Variants in C20orf203 observed in about 807,000 individuals in gnomAD.
C20orf203 encodes the protein uncharacterized protein C20orf203.
A neutral mutation model predicts 15.9 loss-of-function variants in C20orf203; 16 were observed. The observed-to-expected ratio is 1.01, with a 90% CI of 0.68 to 1.53. C20orf203 has a LOEUF of 1.53. Ranked by LOEUF, C20orf203 falls within the 40% of genes most tolerant of loss-of-function variation. The pLI is 0.00. For missense variants in C20orf203, 263 were observed against 247.5 expected (o/e 1.06, Z -0.42); for synonymous variants, 98 against 97.2 (o/e 1.01, Z -0.05).
rs1175017344 is a variant in C20orf203 at position 32,639,613 on chromosome 20, AT to A, written c.*1299+952del. The stretch of plus-strand genomic sequence containing the variant: ...CAACATAGCAAGACCCTGTAACAAT[AT>A]TTTTTTAAATAGTAAAAAAAAAAAA... On this transcript the variant is annotated intron_variant, in intron 5 of 5. Coordinates refer to ENST00000608990, the MANE Select transcript of C20orf203 (RefSeq NM_182584.4). 3.1e-5 allele frequency among the ~76,000 whole-genome samples: 4 copies of A among 129,296 alleles called. No individual in the cohort carries two copies. In the South Asian group the frequency reaches 1.1e-3, roughly 35 times the overall value. The allele number at this position is 129,296 out of a possible 152,430, so 84.8% of individuals were successfully genotyped here.
intron 4 of C20orf203, among the ~76,000 whole-genome samples, chr20:32,648,238 C>G (rs1982490394): frequency 6.6e-6 from 1 of 151,986 alleles, no homozygotes; most frequent in Non-Finnish European, 1.5e-5. Context: ...TAAGCCCATC[C>G]TGCCTCCAGG....
intron 1 of C20orf203, among the ~76,000 whole-genome samples, chr20:32,666,941 G>A (rs1001464143): frequency 3.2e-4 from 48 of 149,798 alleles, no homozygotes; most frequent in Admixed American, 2.5e-3. Flanking sequence ...GAGCCACCAC[G>A]TACAATTTGA....
In C20orf203 at chr20:32,650,622, C is replaced by T. The variant is rs942928914; in HGVS notation, c.395G>A (p.Arg132Gln). ...GGGCATCCCTCCCATTGCCCTCCCC[C>T]GCCCAGCAGGGGCCCGCAGCCCCCT... ...VGRGLRAPAGRGRAMGGMPRM... is the reference protein window; with the variant it reads ...VGRGLRAPAGQGRAMGGMPRM... Residue 132 changes from arginine (R) to glutamine (Q), a missense_variant, in exon 4 of 6, where the codon CGG (arginine) becomes CAG (glutamine). By Grantham distance (43) the Arg-to-Gln change is conservative. Coordinates refer to ENST00000608990, the MANE Select transcript of C20orf203 (RefSeq NM_182584.4). 36 of 1,546,738 alleles carry T rather than the reference C, an allele frequency of 2.3e-5. No individual in the cohort carries two copies. The highest frequency in any genetic ancestry group is 4.1e-5 in the African/African-American group (3 of 73,090).
chr20:32,663,312 A>G (rs1261683536), intron 1 of C20orf203, among the ~76,000 whole-genome samples: 2 of 151,556 alleles, frequency 1.3e-5, no homozygotes, highest in Non-Finnish European at 2.9e-5. Context: ...TGAGAGTCAA[A>G]ATAAGAGAAT....
chr20:32,660,453 C>T (rs779178839), intron 1 of C20orf203, among the ~76,000 whole-genome samples: 7 of 152,208 alleles, frequency 4.6e-5, no homozygotes, highest in Admixed American at 3.3e-4. Context: ...CTCACACCTT[C>T]GAGAGGCCAC....
chr20:32,667,713 C>G (rs888892319), intron 1 of C20orf203, among the ~76,000 whole-genome samples: 2 of 152,182 alleles, frequency 1.3e-5, no homozygotes, highest in Admixed American at 6.6e-5. Flanking sequence ...CTCTATCACC[C>G]AGGCTGGAGT....
intron 4 of C20orf203, among the ~76,000 whole-genome samples, chr20:32,641,797 C>T (rs900999202): frequency 6.6e-6 from 1 of 152,186 alleles, no homozygotes; most frequent in Admixed American, 6.5e-5. Context: ...ATCGTATCGC[C>T]ATTTTTAAAA....
rs950818233 is a variant in C20orf203 at position 32,632,680 on chromosome 20, T to A, written c.*2890A>T. 2.0e-5 allele frequency: 3 copies of A among 152,174 alleles called. No individual in the cohort carries two copies. Among genetic ancestry groups the A allele is most frequent in the African/African-American group, 7.2e-5 (3 of 41,430 alleles). The allele number at this position is 152,174 out of a possible 1,614,324, so 9.4% of individuals were successfully genotyped here. On this transcript the variant is annotated 3_prime_UTR_variant, in exon 6 of 6. Coordinates refer to ENST00000608990, the MANE Select transcript of C20orf203 (RefSeq NM_182584.4). ...TTCCATGGCATGCAAAAGTCTTTAG[T>A]ATTCATGTAACCAGATCTAGAATTC...
At position 32,646,155 on chromosome 20, in the gene C20orf203, CAG is replaced by C. The variant is rs377257399; in HGVS notation, c.*1177+3098_*1177+3099del. ...CAGTATGAGGATTTTTTTTTTGAGA[CAG>C]AGTCTTGCTTGATCCCAATTTTTTT... On this transcript the variant is annotated intron_variant, in intron 4 of 5. Transcript: ENST00000608990. Among the ~76,000 whole-genome samples, 764 of 148,424 alleles carry C rather than the reference CAG, an allele frequency of 5.1e-3. 4 individuals carry two copies. Among genetic ancestry groups the C allele is most frequent in the African/African-American group, 0.018 (734 of 40,382 alleles).
At chr20:32,638,026 G>T (rs1382739610) in intron 5 of C20orf203, among the ~76,000 whole-genome samples, 2 of 152,094 alleles carry the variant, frequency 1.3e-5, no homozygotes, top group African/African-American at 4.8e-5. Context: ...GTGTGTGTGT[G>T]TGTGTGTATA....
Position 32,632,866 on chromosome 20 carries a change from T to A in C20orf203, c.*2704A>T, listed in dbSNP as rs1982037716. The A allele has an allele frequency of 6.6e-6, 1 of 152,232 alleles. No individual in the cohort carries two copies. Among genetic ancestry groups the A allele is most frequent in the Admixed American group, 6.5e-5 (1 of 15,280 alleles). The allele number at this position is 152,232 out of a possible 1,614,324, so 9.4% of individuals were successfully genotyped here. On this transcript the variant is annotated 3_prime_UTR_variant, in exon 6 of 6. Transcript: ENST00000608990. The stretch of plus-strand genomic sequence containing the variant: ...AAATGCCCGAGACTGGGGTAATTTA[T>A]AAAGAAAAGAGGTTTAATTGACTCA...
intron 4 of C20orf203, among the ~76,000 whole-genome samples, chr20:32,648,618 T>TG (rs1041436013): frequency 3.5e-5 from 5 of 144,724 alleles, no homozygotes; most frequent in Admixed American, 6.8e-5. Context: ...TTTTTTTTTT[T>TG]TGTGTGTGTG....
At chr20:32,651,254 T>A (rs1457024746) in intron 2 of C20orf203, 88 bp from the exon 3 acceptor site, 2 of 436,920 alleles carry the variant, frequency 4.6e-6, no homozygotes, top group Non-Finnish European at 8.0e-6. Flanking sequence ...GCTACTCAAG[T>A]GGGAGGATCA....
intron 4 of C20orf203, among the ~76,000 whole-genome samples, chr20:32,641,893 A>T (rs1261509608): frequency 6.6e-6 from 1 of 152,154 alleles, no homozygotes; most frequent in Non-Finnish European, 1.5e-5. Context: ...GCAGGAGTGC[A>T]GTGACACGAT....
At chr20:32,635,186 C>G (rs182699776) in intron 5 of C20orf203, among the ~76,000 whole-genome samples, 1 of 149,192 alleles carries the variant, frequency 6.7e-6, no homozygotes, top group South Asian at 2.1e-4. Context: ...AGAGTGAGAC[C>G]GTGTCTCAAA....
chr20:32,670,276 G>A (rs1421374342), intron 1 of C20orf203, among the ~76,000 whole-genome samples: 4 of 151,986 alleles, frequency 2.6e-5, no homozygotes, highest in Non-Finnish European at 4.4e-5. Context: ...AGCCTGAGGC[G>A]GGCGGATCAC....
intron 1 of C20orf203, among the ~76,000 whole-genome samples, chr20:32,652,834 T>C (rs1432857448): frequency 6.6e-6 from 1 of 152,070 alleles, no homozygotes; most frequent in African/African-American, 2.4e-5. Context: ...GGCTGAGAGA[T>C]GCAAGGCTGC....
At chr20:32,646,527 T>C (rs1296471549) in intron 4 of C20orf203, among the ~76,000 whole-genome samples, 1 of 152,078 alleles carries the variant, frequency 6.6e-6, no homozygotes, top group Non-Finnish European at 1.5e-5. Context: ...TTAAACTGTG[T>C]GTCAAGGGCT....
intron 1 of C20orf203, among the ~76,000 whole-genome samples, chr20:32,673,380 G>A (rs1381992116): frequency 2.0e-5 from 3 of 152,036 alleles, no homozygotes; most frequent in African/African-American, 7.3e-5. Flanking sequence ...GAAGTGGCTG[G>A]CGCCTCAGCC....
Sources: allele counts gnomAD v4.1 joint callset (sites outside exome capture counted in the v4.1 genomes callset), GRCh38; gene constraint gnomAD v4.1.1; transcripts MANE v1.5; gene names NCBI Gene and HGNC (gene_info 2026-07-23, HGNC 2026-07-21).